ADARB2: variants seen among roughly 807,000 people sequenced by gnomAD.
ADARB2 encodes the protein inactive double-stranded RNA-specific editase B2.
Under a neutral mutation model 62.2 loss-of-function variants are expected in ADARB2, and 25 were observed. That is an observed-to-expected ratio of 0.40 (90% CI 0.29 to 0.56). The LOEUF is 0.56. Ranked by LOEUF, ADARB2 falls within the 20% of genes least tolerant of loss-of-function variation. ADARB2 has a pLI of 0.43. For synonymous variants in ADARB2, 572 were observed against 500.8 expected, an observed-to-expected ratio of 1.14 and a Z score of -1.90; for missense variants, 1,071 against 1,077.4, an observed-to-expected ratio of 0.99 and a Z score of 0.08.
chr10:1,447,227 T>C (rs1345205858), intron 1 of ADARB2, among the ~76,000 whole-genome samples: 1 of 152,216 alleles, frequency 6.6e-6, no homozygotes, highest in Admixed American at 6.5e-5. Context: ...TAACAGAAGC[T>C]TGGAGAGCAG....
At chr10:1,675,756 T>C (rs1235286369) in intron 1 of ADARB2, among the ~76,000 whole-genome samples, 1 of 152,156 alleles carries the variant, frequency 6.6e-6, no homozygotes, top group Non-Finnish European at 1.5e-5. Context: ...TAGGGCTAGT[T>C]ACTCAGTCTC....
At chr10:1,639,719 G>C (rs1017621534) in intron 1 of ADARB2, among the ~76,000 whole-genome samples, 2 of 152,268 alleles carry the variant, frequency 1.3e-5, no homozygotes, top group East Asian at 1.9e-4. Flanking sequence ...GCGGGCGCCT[G>C]TAGTCCCAGC....
At chr10:1,692,533 A>C (rs949931952) in intron 1 of ADARB2, among the ~76,000 whole-genome samples, 2 of 152,176 alleles carry the variant, frequency 1.3e-5, no homozygotes, top group Non-Finnish European at 2.9e-5. Flanking sequence ...TGTTAGGAAA[A>C]GGCTGGCAGA....
At chr10:1,312,359 G>A (rs1306787420) in intron 3 of ADARB2, among the ~76,000 whole-genome samples, 1 of 152,198 alleles carries the variant, frequency 6.6e-6, no homozygotes, top group Non-Finnish European at 1.5e-5. Flanking sequence ...TGAGCCCCCG[G>A]CAGGCCCCAG....
intron 3 of ADARB2, among the ~76,000 whole-genome samples, chr10:1,360,549 C>T (rs780227194): frequency 6.6e-6 from 1 of 152,094 alleles, no homozygotes; most frequent in Non-Finnish European, 1.5e-5. Context: ...CATTTTTTCC[C>T]CCTGAATCAC....
At chr10:1,395,589 TC>T (rs1832605056) in intron 1 of ADARB2, among the ~76,000 whole-genome samples, 9 of 152,166 alleles carry the variant, frequency 5.9e-5, no homozygotes, top group African/African-American at 1.9e-4. Context: ...GGCTGCCTCC[TC>T]GGCGCCTCCA....
At chr10:1,598,347 T>G (rs1564342671) in intron 1 of ADARB2, among the ~76,000 whole-genome samples, 1 of 152,072 alleles carries the variant, frequency 6.6e-6, no homozygotes, top group East Asian at 1.9e-4. Flanking sequence ...CAGAGGTGGG[T>G]GCACTAAACC....
intron 3 of ADARB2, among the ~76,000 whole-genome samples, chr10:1,318,522 T>C (rs1320818865): frequency 6.6e-6 from 1 of 152,210 alleles, no homozygotes; most frequent in Non-Finnish European, 1.5e-5. Flanking sequence ...TATTCATCCA[T>C]GCCTTTGTGG....
chr10:1,510,093 C>G (rs1464897138), intron 1 of ADARB2, among the ~76,000 whole-genome samples: 1 of 136,292 alleles, frequency 7.3e-6, no homozygotes, highest in African/African-American at 2.7e-5. Flanking sequence ...CTCTCTCTCT[C>G]TCTTTTCTTT....
intron 1 of ADARB2, chr10:1,678,092 C>G: frequency 2.1e-6 from 2 of 941,472 alleles, no homozygotes; most frequent in Non-Finnish European, 2.5e-6. Context: ...GTTTTAAAGG[C>G]CAATTTCTGT....
At chr10:1,621,424 T>C (rs990845005) in intron 1 of ADARB2, among the ~76,000 whole-genome samples, 5 of 151,510 alleles carry the variant, frequency 3.3e-5, no homozygotes, top group Admixed American at 6.6e-5. Flanking sequence ...TTCTTTCTTT[T>C]TTTTTTTTTG....
chr10:1,666,777 G>T (rs1834322236), intron 1 of ADARB2, among the ~76,000 whole-genome samples: 1 of 152,148 alleles, frequency 6.6e-6, no homozygotes, highest in Admixed American at 6.5e-5. Context: ...ACTTATATCT[G>T]AAAGACTCTG....
chr10:1,616,845 C>T lies in ADARB2; in HGVS notation c.100+120206G>A, dbSNP rs202017148. 2.8e-4 allele frequency among the ~76,000 whole-genome samples: 41 copies of T among 147,926 alleles called. No homozygotes were observed. In the East Asian group the frequency reaches 8.4e-3, roughly 30 times the overall value. On this transcript the variant is annotated intron_variant, in intron 1 of 9. Transcript: ENST00000381312. ...TGTGTGCCTCTCCAGACACACTCCACACCGCCCTGCTGTGCTCTGCATCCT... is the reference window on the plus strand; with the variant it reads ...TGTGTGCCTCTCCAGACACACTCCATACCGCCCTGCTGTGCTCTGCATCCT...
chr10:1,208,980 A>G (rs1837106470), intron 7 of ADARB2, among the ~76,000 whole-genome samples: 1 of 152,152 alleles, frequency 6.6e-6, no homozygotes, highest in Non-Finnish European at 1.5e-5. Context: ...TGCCCAGTAA[A>G]CAGGCTCAGG....
chr10:1,288,984 G>A (rs1159783759), intron 3 of ADARB2, among the ~76,000 whole-genome samples: 5 of 152,154 alleles, frequency 3.3e-5, no homozygotes, highest in Non-Finnish European at 7.3e-5. Flanking sequence ...GAGGGGGTCG[G>A]ACATGCCTCA....
chr10:1,663,715 G>T (rs1834279566), intron 1 of ADARB2, among the ~76,000 whole-genome samples: 1 of 152,042 alleles, frequency 6.6e-6, no homozygotes, highest in Non-Finnish European at 1.5e-5. Flanking sequence ...TGCCTCCTGG[G>T]TTCAAGTGAT....
chr10:1,191,614 A>G (rs906227523), intron 8 of ADARB2, among the ~76,000 whole-genome samples: 2 of 152,156 alleles, frequency 1.3e-5, no homozygotes, highest in African/African-American at 4.8e-5. Context: ...TAACTCAGGG[A>G]TGTGTTGCAT....
chr10:1,610,225 C>T (rs566887450), intron 1 of ADARB2, among the ~76,000 whole-genome samples: 59 of 152,270 alleles, frequency 3.9e-4, no homozygotes, highest in Admixed American at 2.8e-3. Flanking sequence ...AGCCCCAGGG[C>T]CCCTACACGG....
intron 1 of ADARB2, among the ~76,000 whole-genome samples, chr10:1,439,290 C>T (rs373426302): frequency 2.0e-4 from 22 of 112,690 alleles, no homozygotes; most frequent in African/African-American, 3.6e-4. Context: ...GGAGGCAGGT[C>T]CTTCACTATG....
Sources: allele counts gnomAD v4.1 joint callset (sites outside exome capture counted in the v4.1 genomes callset), GRCh38; gene constraint gnomAD v4.1.1; transcripts MANE v1.5; gene names NCBI Gene and HGNC (gene_info 2026-07-23, HGNC 2026-07-21).